PARD3: variants seen among roughly 807,000 people sequenced by gnomAD.
PARD3 encodes the protein partitioning defective 3 homolog.
In PARD3, 75 loss-of-function variants were observed where a neutral mutation model predicts 155.4. That is an observed-to-expected ratio of 0.48 (90% CI 0.40 to 0.58). The LOEUF is 0.58. Among genes scored for constraint, PARD3 ranks in the 20% least tolerant of loss-of-function variants. The probability of loss-of-function intolerance (pLI) is 0.00; values close to 1 mark genes in which losing one functional copy is unlikely to be tolerated. For missense variants in PARD3, 1,642 were observed against 1,721.7 expected, an observed-to-expected ratio of 0.95 and a Z score of 0.82; for synonymous variants, 576 against 610.5, an observed-to-expected ratio of 0.94 and a Z score of 0.83.
At chr10:34,434,204 G>T (rs905110850) in intron 5 of PARD3, among the ~76,000 whole-genome samples, 3 of 151,870 alleles carry the variant, frequency 2.0e-5, no homozygotes, top group African/African-American at 7.3e-5. Flanking sequence ...AGACTAGAGT[G>T]AGTTCAGCAG....
rs1307292536 is a variant in PARD3 at position 34,529,224 on chromosome 10, T to C, written c.223-12065A>G. ...AGCCACAGGTTTCATCCAATCTGAA[T>C]GCGGATCACCCATGGAAATCAGAAC... On this transcript the variant is annotated intron_variant, in intron 2 of 24. Transcript: ENST00000374788. Among the ~76,000 whole-genome samples, 5 of 152,306 alleles carry C rather than the reference T, an allele frequency of 3.3e-5. No individual in the cohort carries two copies. In the East Asian group the frequency reaches 9.6e-4, roughly 29 times the overall value.
At chr10:34,320,679 G>C (rs1958317777) in intron 19 of PARD3, among the ~76,000 whole-genome samples, 1 of 152,154 alleles carries the variant, frequency 6.6e-6, no homozygotes, top group South Asian at 2.1e-4. Flanking sequence ...ATTTTCTAAA[G>C]TATGTGAAAT....
intron 2 of PARD3, among the ~76,000 whole-genome samples, chr10:34,540,527 C>T (rs1399885525): frequency 1.3e-5 from 2 of 152,128 alleles, no homozygotes; most frequent in Non-Finnish European, 2.9e-5. Flanking sequence ...GGCTGAGCTG[C>T]CCGCTCAGCA....
At chr10:34,789,753 A>C (rs995266555) in intron 1 of PARD3, among the ~76,000 whole-genome samples, 28 of 152,284 alleles carry the variant, frequency 1.8e-4, no homozygotes, top group Non-Finnish European at 1.6e-4. Flanking sequence ...ATACACAAAC[A>C]AACAGAAAGA....
chr10:34,443,774 T>G (rs1443256475), intron 5 of PARD3, among the ~76,000 whole-genome samples: 1 of 152,170 alleles, frequency 6.6e-6, no homozygotes, highest in Admixed American at 6.5e-5. Context: ...GAATATTGTT[T>G]ATAATGCATA....
intron 5 of PARD3, among the ~76,000 whole-genome samples, chr10:34,434,308 T>C (rs1380692124): frequency 4.6e-5 from 7 of 152,266 alleles, no homozygotes; most frequent in Middle Eastern, 6.8e-3. Context: ...AACACCAATA[T>C]CAGCCCTCAC....
chr10:34,206,630 A>C (rs1239850089), intron 22 of PARD3, among the ~76,000 whole-genome samples: 1 of 152,238 alleles, frequency 6.6e-6, no homozygotes, highest in Non-Finnish European at 1.5e-5. Flanking sequence ...GGGTGGAGAG[A>C]AGCAGCTCGG....
chr10:34,346,743 A>G (rs1203839690), intron 15 of PARD3, among the ~76,000 whole-genome samples: 4 of 152,248 alleles, frequency 2.6e-5, no homozygotes, highest in Admixed American at 1.3e-4. Context: ...TACGCCAAGC[A>G]TGTAAAAAGA....
chr10:34,196,463 A>C (rs1348505060), intron 22 of PARD3, among the ~76,000 whole-genome samples: 1 of 152,116 alleles, frequency 6.6e-6, no homozygotes. Context: ...CTCCCATCTT[A>C]AATTGAACAA....
chr10:34,447,928 T>C (rs894781604), intron 5 of PARD3, among the ~76,000 whole-genome samples: 1 of 152,026 alleles, frequency 6.6e-6, no homozygotes, highest in Non-Finnish European at 1.5e-5. Context: ...GTAAGAAGTC[T>C]CCTCAAAAAC....
At chr10:34,769,497 A>G (rs1838559164) in intron 1 of PARD3, among the ~76,000 whole-genome samples, 1 of 151,864 alleles carries the variant, frequency 6.6e-6, no homozygotes, top group Non-Finnish European at 1.5e-5. Context: ...GTCTAAAACC[A>G]TACCTCCCGG....
chr10:34,563,883 T>C (rs2085712765), intron 2 of PARD3, among the ~76,000 whole-genome samples: 1 of 152,202 alleles, frequency 6.6e-6, no homozygotes, highest in South Asian at 2.1e-4. Context: ...AGTATGACAA[T>C]ATAAAACACC....
intron 22 of PARD3, among the ~76,000 whole-genome samples, chr10:34,165,194 T>C (rs1247124208): frequency 2.6e-5 from 4 of 152,210 alleles, no homozygotes; most frequent in Non-Finnish European, 5.9e-5. Context: ...TTTGCACCTC[T>C]GAGAATATGA....
intron 1 of PARD3, among the ~76,000 whole-genome samples, chr10:34,709,147 T>C (rs1300972279): frequency 6.6e-6 from 1 of 152,138 alleles, no homozygotes; most frequent in Non-Finnish European, 1.5e-5. Context: ...TACATGCACA[T>C]GAGATTTCTC....
At chr10:34,728,237 C>T (rs975141952) in intron 1 of PARD3, among the ~76,000 whole-genome samples, 1 of 152,124 alleles carries the variant, frequency 6.6e-6, no homozygotes, top group Non-Finnish European at 1.5e-5. Flanking sequence ...CAAATTTAGG[C>T]TCTTGAATAT....
chr10:34,378,529 G>A (rs1451016717), intron 9 of PARD3, among the ~76,000 whole-genome samples: 2 of 152,042 alleles, frequency 1.3e-5, no homozygotes, highest in South Asian at 2.1e-4. Context: ...TATGAGCAAG[G>A]GAAACAAAAA....
chr10:34,165,763 A>G (rs1183877481), intron 22 of PARD3, among the ~76,000 whole-genome samples: 1 of 152,238 alleles, frequency 6.6e-6, no homozygotes, highest in Non-Finnish European at 1.5e-5. Flanking sequence ...AACCCAAATT[A>G]CTGCTCATCT....
chr10:34,772,786 T>C (rs1588685312), intron 1 of PARD3, among the ~76,000 whole-genome samples: 2 of 110,858 alleles, frequency 1.8e-5, no homozygotes, highest in Non-Finnish European at 3.4e-5. Context: ...ACAGCAAGAC[T>C]CCATCTAAAA....
intron 1 of PARD3, among the ~76,000 whole-genome samples, chr10:34,748,551 C>G (rs12262766): frequency 0.012 from 1,762 of 152,176 alleles, 29 homozygotes; most frequent in African/African-American, 0.04. Context: ...TCCCACCCCT[C>G]GCTCCTCTGT....
Sources: gnomAD v4.1 joint callset for allele counts (sites outside exome capture counted in the v4.1 genomes callset) on GRCh38, gnomAD v4.1.1 for gene constraint, MANE v1.5 for transcripts, NCBI Gene and HGNC (gene_info 2026-07-23, HGNC 2026-07-21) for gene names.